The following ADCY1 variants were observed in gnomAD, a reference collection of about 807,000 sequenced individuals.
The protein encoded by ADCY1 is adenylate cyclase 1.
Under a neutral mutation model 105.4 loss-of-function variants are expected in ADCY1, and 28 were observed. The observed-to-expected ratio is 0.27, with a 90% CI of 0.20 to 0.36. The LOEUF (loss-of-function observed/expected upper bound fraction) is 0.36, where lower values mean the gene tolerates loss of function less well. Ranked by LOEUF, ADCY1 falls within the 10% of genes least tolerant of loss-of-function variation. The probability of loss-of-function intolerance (pLI) is 1.00; values close to 1 mark genes in which losing one functional copy is unlikely to be tolerated. For missense variants in ADCY1, 977 were observed against 1,434.2 expected, an observed-to-expected ratio of 0.68 and a Z score of 5.15; for synonymous variants, 655 against 623.8, an observed-to-expected ratio of 1.05 and a Z score of -0.75.
At chr7:45,596,418 G>C (rs1369079870) in intron 2 of ADCY1, among the ~76,000 whole-genome samples, 1 of 152,068 alleles carries the variant, frequency 6.6e-6, no homozygotes, top group African/African-American at 2.4e-5. Context: ...CCTGGGAGAG[G>C]ATCTGGGTGT....
At chr7:45,605,981 T>C (rs887928571) in intron 2 of ADCY1, among the ~76,000 whole-genome samples, 1 of 152,178 alleles carries the variant, frequency 6.6e-6, no homozygotes, top group Non-Finnish European at 1.5e-5. Context: ...TGACTCTGGT[T>C]GGGAAAGGGG....
At position 45,686,025 on chromosome 7, in the gene ADCY1, G is replaced by A. The variant is rs1273345499; in HGVS notation, c.2137G>A (p.Gly713Arg). 6.2e-7 allele frequency: 1 copy of A among 1,613,992 alleles called. No individual in the cohort carries two copies. Among genetic ancestry groups the A allele is most frequent in the Admixed American group, 1.7e-5 (1 of 60,012 alleles). Residue 713 changes from glycine (G) to arginine (R), a missense_variant, in exon 13 of 20, where the codon GGG becomes AGG. By Grantham distance (125) the Gly-to-Arg change is moderately radical. Around this residue, in one of 7 missense-constraint regions of ADCY1, gnomAD observed 275 missense variants for 362.1 expected, o/e 0.76. Coordinates refer to ENST00000297323, the MANE Select transcript of ADCY1 (RefSeq NM_021116.4). The surrounding 1 kb of genome is among the most constrained non-coding windows in gnomAD (Gnocchi z 4.3). ...PNSSLVVLSS[G>R]GQRTALPTLP... Reference sequence around the variant, plus strand: ...CAGTTCCCTGGTGGTCCTTTCGTCTGGGGGCCAGCGCACAGCCCTGCCCAC... The same window carrying A: ...CAGTTCCCTGGTGGTCCTTTCGTCTAGGGGCCAGCGCACAGCCCTGCCCAC...
At chr7:45,579,085 C>T (rs1459695307) in intron 1 of ADCY1, among the ~76,000 whole-genome samples, 1 of 152,184 alleles carries the variant, frequency 6.6e-6, no homozygotes, top group Non-Finnish European at 1.5e-5. Context: ...AGCTCTGGTT[C>T]AGAACCATGG....
At chr7:45,671,323 A>T (rs1490307752) in intron 8 of ADCY1, among the ~76,000 whole-genome samples, 1 of 152,212 alleles carries the variant, frequency 6.6e-6, no homozygotes, top group Admixed American at 6.5e-5. Flanking sequence ...CTGTTTGTTT[A>T]GTCATTCGCT....
At chr7:45,688,291 G>A (rs1784725618) in intron 14 of ADCY1, among the ~76,000 whole-genome samples, 1 of 152,218 alleles carries the variant, frequency 6.6e-6, no homozygotes, top group South Asian at 2.1e-4. Context: ...AGAAATAACT[G>A]AAATTCTATT....
rs1474368465 is a variant in ADCY1, at chr7:45,703,105, G to A, written c.2455-271G>A. ...TCTGGTCCCTAAGGGGTGGCGGAGGGCAGGGCGGACCCTGGAAATGAGGTG... is the reference window on the plus strand; with the variant it reads ...TCTGGTCCCTAAGGGGTGGCGGAGGACAGGGCGGACCCTGGAAATGAGGTG... On this transcript the variant is annotated intron_variant, in intron 14 of 19. Coordinates refer to ENST00000297323, the MANE Select transcript of ADCY1 (RefSeq NM_021116.4). This position sits in a 1 kb window ranked among gnomAD's most constrained non-coding sequence, Gnocchi z 5.9. Among the ~76,000 whole-genome samples the A allele has an allele frequency of 6.6e-6, 1 of 152,210 alleles. No homozygotes were observed. Among genetic ancestry groups the A allele is most frequent in the Non-Finnish European group, 1.5e-5 (1 of 68,032 alleles).
chr7:45,685,880 G>A, intron 12 of ADCY1, 82 bp from the exon 13 acceptor site: 4 of 1,508,246 alleles, frequency 2.7e-6, no homozygotes, highest in Admixed American at 4.1e-5. Flanking sequence ...AGACCTGCTT[G>A]AAGAGGGACA....
chr7:45,700,724 A>G (rs1784981544), intron 14 of ADCY1, among the ~76,000 whole-genome samples: 2 of 152,226 alleles, frequency 1.3e-5, no homozygotes, highest in South Asian at 4.1e-4. Flanking sequence ...AGGTGGGGAC[A>G]TCACTTCTGA....
intron 2 of ADCY1, among the ~76,000 whole-genome samples, chr7:45,603,501 T>C (rs747925171): frequency 6.6e-6 from 1 of 152,230 alleles, no homozygotes. Context: ...TATTTTGAAC[T>C]ACTTGTAGAT....
At position 45,703,207 on chromosome 7, in the gene ADCY1, C is replaced by G. The variant is rs1227634219; in HGVS notation, c.2455-169C>G. ...CAGACATCTGCAGATCTTCCCTACC[C>G]AGTAACATGGATCTAGTCTTGCATC... is the stretch of plus-strand genomic sequence containing the variant. On this transcript the variant is annotated intron_variant, in intron 14 of 19. Transcript: ENST00000297323. The surrounding 1 kb of genome is among the most constrained non-coding windows in gnomAD (Gnocchi z 5.9). Among the ~76,000 whole-genome samples, 2 of 152,140 alleles carry G rather than the reference C, an allele frequency of 1.3e-5. No individual in the cohort carries two copies. The highest frequency in any genetic ancestry group is 3.9e-4 in the East Asian group (2 of 5,192).
intron 8 of ADCY1, among the ~76,000 whole-genome samples, chr7:45,674,655 A>G (rs1784424346): frequency 6.6e-6 from 1 of 152,238 alleles, no homozygotes; most frequent in Admixed American, 6.5e-5. Flanking sequence ...TACAGGCGTG[A>G]GCCACAGCGC....
At chr7:45,657,906 GGAGGGGA>G in intron 6 of ADCY1, 21 bp downstream of exon 6, 1 of 1,550,364 alleles carries the variant, frequency 6.5e-7, no homozygotes, top group Non-Finnish European at 8.8e-7. Context: ...GATGGGGTGG[GGAGGGGA>G]GGGAGGTGGG....
intron 4 of ADCY1, among the ~76,000 whole-genome samples, chr7:45,638,481 CTTTT>C (rs34719678): frequency 1.5e-5 from 2 of 132,740 alleles, no homozygotes; most frequent in Non-Finnish European, 1.6e-5. Flanking sequence ...CAGTTTGCTC[CTTTT>C]TTTTTTTTTT....
At chr7:45,632,232 A>G (rs1409669742) in intron 4 of ADCY1, among the ~76,000 whole-genome samples, 3 of 152,240 alleles carry the variant, frequency 2.0e-5, no homozygotes, top group Admixed American at 2.0e-4. Context: ...TTTATAATGT[A>G]TAGTCTGGAA....
At chr7:45,603,538 A>G (rs771943258) in intron 2 of ADCY1, among the ~76,000 whole-genome samples, 8 of 152,220 alleles carry the variant, frequency 5.3e-5, no homozygotes, top group Non-Finnish European at 7.3e-5. Flanking sequence ...GAAATAACAC[A>G]GAGAGATCCC....
rs1785203572 is a variant in ADCY1, at chr7:45,710,437, C to G, written c.2933-91C>G. 2 of 1,536,536 alleles carry G rather than the reference C, an allele frequency of 1.3e-6. No individual in the cohort carries two copies. Among genetic ancestry groups the G allele is most frequent in the Admixed American group, 3.8e-5 (2 of 52,272 alleles). Reference sequence around the variant, plus strand: ...CCTGAAAGGAGCAGCCTTTTCTCCACCAGGAGCAGCATCAGGTGCATTTGG... The same window carrying G: ...CCTGAAAGGAGCAGCCTTTTCTCCAGCAGGAGCAGCATCAGGTGCATTTGG... On this transcript the variant is annotated intron_variant, in intron 18 of 19. Transcript: ENST00000297323. This position sits in a 1 kb window ranked among gnomAD's most constrained non-coding sequence, Gnocchi z 4.7.
chr7:45,600,030 G>A (rs1793184766), intron 2 of ADCY1, among the ~76,000 whole-genome samples: 2 of 152,238 alleles, frequency 1.3e-5, no homozygotes, highest in Admixed American at 1.3e-4. Flanking sequence ...GGTTCTCCCT[G>A]ATGGAACAGC....
At chr7:45,638,442 C>G (rs1466655886) in intron 4 of ADCY1, among the ~76,000 whole-genome samples, 1 of 148,548 alleles carries the variant, frequency 6.7e-6, no homozygotes, top group African/African-American at 2.5e-5. Context: ...GTTGAGGTAA[C>G]TGCCTGAAAG....
intron 1 of ADCY1, among the ~76,000 whole-genome samples, chr7:45,590,167 G>A (rs1792868236): frequency 6.6e-6 from 1 of 152,092 alleles, no homozygotes; most frequent in Non-Finnish European, 1.5e-5. Context: ...TGATGCAAAC[G>A]GGGAGGGTCG....
Sources: allele counts gnomAD v4.1 joint callset (sites outside exome capture counted in the v4.1 genomes callset), GRCh38; gene constraint gnomAD v4.1.1; regional missense constraint gnomAD v4.1.1; non-coding constraint Gnocchi (gnomAD v3.1); transcripts MANE v1.5; gene names NCBI Gene and HGNC (gene_info 2026-07-23, HGNC 2026-07-21).